Variants in LRMDA observed in about 807,000 individuals in gnomAD.
LRMDA encodes leucine rich melanocyte differentiation associated.
LRMDA carries 18 observed loss-of-function variants against 29.8 expected under a neutral mutation model. The ratio of observed to expected loss-of-function variants is 0.60; its 90% CI spans 0.42 to 0.90. LRMDA has a LOEUF of 0.90. Among genes scored for constraint, LRMDA ranks in the 40% least tolerant of loss-of-function variants. The pLI is 0.00. For synonymous variants in LRMDA, 125 were observed against 109.4 expected (o/e 1.14, Z -0.89); for missense variants, 273 against 273.9 (o/e 1.00, Z 0.02).
chr10:76,468,910 A>T (rs1378440975), intron 6 of LRMDA, among the ~76,000 whole-genome samples: 1 of 152,178 alleles, frequency 6.6e-6, no homozygotes, highest in Non-Finnish European at 1.5e-5. Flanking sequence ...AGAGGGAAAG[A>T]GAGGGAGAGG....
At chr10:75,486,651 G>GT (rs112496348) in intron 2 of LRMDA, among the ~76,000 whole-genome samples, 35 of 152,138 alleles carry the variant, frequency 2.3e-4, no homozygotes, top group Middle Eastern at 3.4e-3. Context: ...GGTCTGGGGG[G>GT]GGCAACATGA....
At chr10:75,901,781 A>C (rs1359566109) in intron 2 of LRMDA, among the ~76,000 whole-genome samples, 2 of 152,192 alleles carry the variant, frequency 1.3e-5, no homozygotes, top group East Asian at 3.9e-4. Context: ...GATTGCCGCG[A>C]ATTAATTAGA....
intron 2 of LRMDA, among the ~76,000 whole-genome samples, chr10:75,628,139 T>C (rs1245771320): frequency 6.6e-6 from 1 of 152,220 alleles, no homozygotes; most frequent in African/African-American, 2.4e-5. Flanking sequence ...TTGACTGCTG[T>C]TATAGATTTT....
intron 2 of LRMDA, among the ~76,000 whole-genome samples, chr10:76,035,600 C>T (rs1157923660): frequency 6.6e-6 from 1 of 152,036 alleles, no homozygotes; most frequent in Non-Finnish European, 1.5e-5. Context: ...TGGATGACAA[C>T]TTGAATTTGT....
In LRMDA at chr10:76,336,576, G is replaced by C. The variant is rs572205191; in HGVS notation, c.601+12091G>C. 2.1e-4 allele frequency among the ~76,000 whole-genome samples: 32 copies of C among 152,126 alleles called. 1 individual carries two copies. Among genetic ancestry groups the C allele is most frequent in the Admixed American group, 1.9e-3 (29 of 15,270 alleles). ...ATGTTTCTCAACTAAATGACAAGAG[G>C]GGGTGGGGAGCCAGGGAAATAATGC... On this transcript the variant is annotated intron_variant, in intron 6 of 6. Coordinates refer to ENST00000611255, the MANE Select transcript of LRMDA (RefSeq NM_001305581.2).
chr10:75,905,645 A>G (rs1845746405), intron 2 of LRMDA, among the ~76,000 whole-genome samples: 1 of 151,684 alleles, frequency 6.6e-6, no homozygotes, highest in African/African-American at 2.4e-5. Flanking sequence ...TAATTTCTAG[A>G]GATTTGGGGT....
intron 2 of LRMDA, among the ~76,000 whole-genome samples, chr10:76,026,430 A>C (rs781620481): frequency 1.4e-4 from 22 of 152,186 alleles, no homozygotes; most frequent in Non-Finnish European, 2.9e-4. Context: ...GTAGGGGGAG[A>C]GTGGAACAGC....
intron 2 of LRMDA, among the ~76,000 whole-genome samples, chr10:75,694,659 C>T (rs1056030352): frequency 2.0e-5 from 3 of 152,254 alleles, no homozygotes; most frequent in South Asian, 2.1e-4. Context: ...ATTCACTTAT[C>T]TCCCCCCATC....
chr10:76,090,916 T>G (rs1054204773), intron 5 of LRMDA, among the ~76,000 whole-genome samples: 3 of 152,200 alleles, frequency 2.0e-5, no homozygotes, highest in Non-Finnish European at 2.9e-5. Flanking sequence ...TTCTGGAGAC[T>G]GTACCACAAT....
intron 2 of LRMDA, among the ~76,000 whole-genome samples, chr10:75,653,111 A>C (rs937438930): frequency 1.3e-5 from 2 of 152,220 alleles, no homozygotes; most frequent in Non-Finnish European, 2.9e-5. Context: ...TCTAAGACTG[A>C]AGCAGAGAAT....
chr10:76,192,259 A>T (rs912773780), intron 5 of LRMDA, among the ~76,000 whole-genome samples: 4 of 152,188 alleles, frequency 2.6e-5, no homozygotes, highest in Non-Finnish European at 5.9e-5. Flanking sequence ...CTAATTTCTT[A>T]GATATGACAC....
At chr10:75,794,917 G>GT (rs1431589770) in intron 2 of LRMDA, among the ~76,000 whole-genome samples, 9 of 148,990 alleles carry the variant, frequency 6.0e-5, no homozygotes, top group Non-Finnish European at 1.2e-4. Flanking sequence ...TAAGCAGAAG[G>GT]TTTTATTTTG....
chr10:75,438,285 A>G, intron 1 of LRMDA, 109 bp from the exon 2 acceptor site: 1 of 877,658 alleles, frequency 1.1e-6, no homozygotes, highest in Non-Finnish European at 1.8e-6. Context: ...GTGTGTGAGA[A>G]ACATGTGTTT....
chr10:75,665,737 G>C (rs918099165), intron 2 of LRMDA, among the ~76,000 whole-genome samples: 1 of 152,186 alleles, frequency 6.6e-6, no homozygotes, highest in African/African-American at 2.4e-5. Flanking sequence ...TGGATGTCTT[G>C]TCTAGTGCAT....
At chr10:76,023,762 C>T (rs979366906) in intron 2 of LRMDA, among the ~76,000 whole-genome samples, 3 of 152,236 alleles carry the variant, frequency 2.0e-5, no homozygotes, top group Non-Finnish European at 4.4e-5. Context: ...CCCATGCATT[C>T]AAATGATTCT....
chr10:76,421,984 G>T (rs191450964), intron 6 of LRMDA, among the ~76,000 whole-genome samples: 1 of 152,182 alleles, frequency 6.6e-6, no homozygotes, highest in African/African-American at 2.4e-5. Flanking sequence ...CCTTAGTCCA[G>T]TTAGGGATTT....
chr10:75,620,081 GA>G (rs1478043843), intron 2 of LRMDA, among the ~76,000 whole-genome samples: 3 of 152,144 alleles, frequency 2.0e-5, no homozygotes, highest in Non-Finnish European at 4.4e-5. Flanking sequence ...AGCACACTGC[GA>G]ACAGGCCCTC....
intron 2 of LRMDA, among the ~76,000 whole-genome samples, chr10:75,640,734 G>A (rs1263040891): frequency 2.0e-5 from 3 of 152,144 alleles, no homozygotes; most frequent in Non-Finnish European, 4.4e-5. Context: ...TATAGGCTCT[G>A]TCCTCAGCTG....
At chr10:75,907,899 C>T (rs1249658425) in intron 2 of LRMDA, among the ~76,000 whole-genome samples, 1 of 152,060 alleles carries the variant, frequency 6.6e-6, no homozygotes, top group Non-Finnish European at 1.5e-5. Context: ...TTAAGGGATT[C>T]ACTCACGGTG....
Sources: allele counts gnomAD v4.1 joint callset (sites outside exome capture counted in the v4.1 genomes callset), GRCh38; gene constraint gnomAD v4.1.1; transcripts MANE v1.5; gene names NCBI Gene and HGNC (gene_info 2026-07-23, HGNC 2026-07-21).